ABHD8: variants seen among roughly 807,000 people sequenced by gnomAD.
ABHD8 encodes the protein abhydrolase domain containing 8.
In ABHD8, 10 loss-of-function variants were observed where a neutral mutation model predicts 29.3. The ratio of observed to expected loss-of-function variants is 0.34; its 90% CI spans 0.21 to 0.58. The LOEUF (loss-of-function observed/expected upper bound fraction) is 0.58. ABHD8 is among the 20% of genes least tolerant of loss of function. ABHD8 has a pLI of 0.85. For missense variants in ABHD8, 556 were observed against 615.3 expected, an observed-to-expected ratio of 0.90 and a Z score of 1.02; for synonymous variants, 282 against 274.6, an observed-to-expected ratio of 1.03 and a Z score of -0.27.
intron 2 of ABHD8, among the ~76,000 whole-genome samples, chr19:17,299,238 C>A (rs1568347859): frequency 7.1e-6 from 1 of 140,016 alleles, no homozygotes; most frequent in Admixed American, 7.0e-5. Context: ...AATGAGACCC[C>A]CCCCCCATTC....
At chr19:17,301,656 C>T in intron 1 of ABHD8, 32 bp from the exon 2 acceptor site, 1 of 1,509,522 alleles carries the variant, frequency 6.6e-7, no homozygotes, top group South Asian at 1.3e-5. Flanking sequence ...AGTTCAGGTG[C>T]TGTCTCAATG....
At chr19:17,298,773 C>T (rs2074104146) in intron 2 of ABHD8, among the ~76,000 whole-genome samples, 1 of 121,314 alleles carries the variant, frequency 8.2e-6, no homozygotes. Context: ...CAGAGTCTCA[C>T]TCTGTTGCTC....
chr19:17,293,436 G>A (rs528756290), intron 4 of ABHD8, among the ~76,000 whole-genome samples: 2 of 130,230 alleles, frequency 1.5e-5, no homozygotes, highest in South Asian at 5.4e-4. Context: ...ACCAACATTA[G>A]GAGCTGGATC....
chr19:17,292,681 G>T lies in ABHD8; in HGVS notation c.1300C>A (p.Pro434Thr). The change falls in exon 5 of 5, where the codon CCT becomes ACT. Residue 434 changes from proline to threonine, a missense_variant. Physicochemically the swap from Pro to Thr is conservative, Grantham distance 38. This residue lies in a region of ABHD8 where 270 missense variants were observed against 353.9 expected (regional missense o/e 0.76). Coordinates refer to ENST00000247706, the MANE Select transcript of ABHD8 (RefSeq NM_024527.5). ...PKALPEPLPA[P>T]PEDKK ...AGCGGCTACTTCTTGTCTTCTGGAG[G>T]CGCCGGCAGTGGCTCCGGTAGAGCC... The T allele has an allele frequency of 6.2e-7, 1 of 1,611,530 alleles. No individual in the cohort carries two copies.
intron 4 of ABHD8, 73 bp downstream of exon 4, chr19:17,294,215 C>G: frequency 6.6e-7 from 1 of 1,525,700 alleles, no homozygotes; most frequent in African/African-American, 1.4e-5. Flanking sequence ...CCACGCCCCC[C>G]GCAGAGGCCA....
rs562268915 is a variant in ABHD8 at position 17,293,399 on chromosome 19, G to T, written c.1150-568C>A. 8.1e-5 allele frequency among the ~76,000 whole-genome samples: 12 copies of T among 147,614 alleles called. No individual in the cohort carries two copies. In the South Asian group the frequency reaches 2.6e-3, roughly 32 times the overall value. ...GGAGTGAGCCACCGCGCCCGGCCTG[G>T]AGGAGGATTTTGTCAACTTCAACTC... On this transcript the variant is annotated intron_variant, in intron 4 of 4. Coordinates refer to ENST00000247706, the MANE Select transcript of ABHD8 (RefSeq NM_024527.5).
At chr19:17,301,889 G>A (rs1412430559) in intron 1 of ABHD8, among the ~76,000 whole-genome samples, 2 of 152,064 alleles carry the variant, frequency 1.3e-5, no homozygotes, top group African/African-American at 2.4e-5. Flanking sequence ...CCCCTCCTGG[G>A]TTCAAGCGAT....
intron 2 of ABHD8, among the ~76,000 whole-genome samples, chr19:17,300,020 TC>T (rs1467476378): frequency 6.6e-6 from 1 of 150,988 alleles, no homozygotes; most frequent in Non-Finnish European, 1.5e-5. Flanking sequence ...TTCTCCTGCC[TC>T]AGCCTCCCGA....
At position 17,300,941 on chromosome 19, in the gene ABHD8, T is replaced by G; in HGVS notation, c.676A>C (p.Thr226Pro). Residue 226 changes from threonine to proline, a missense_variant, in exon 2 of 5, where the codon ACC becomes CCC. Around this residue, in one of 2 missense-constraint regions of ABHD8, gnomAD observed 270 missense variants for 353.9 expected, o/e 0.76. Coordinates refer to ENST00000247706, the MANE Select transcript of ABHD8 (RefSeq NM_024527.5). ...ATGTCCTCAGCCAGCGCATAGAAGG[T>G]GTAGGCTGCGGCCACCTGGGGCGCA... Reference protein sequence around the residue: ...SSAPQVAAAYTFYALAEDMRA... With the variant: ...SSAPQVAAAYPFYALAEDMRA... 1 of 1,613,528 alleles carries G rather than the reference T, an allele frequency of 6.2e-7. No individual in the cohort carries two copies.
chr19:17,301,753 C>T, intron 1 of ABHD8, 129 bp from the exon 2 acceptor site: 9 of 1,094,998 alleles, frequency 8.2e-6, no homozygotes, highest in Non-Finnish European at 9.8e-6. Context: ...ATCAAGTGAG[C>T]CACGGCACTG....
chr19:17,300,763 C>T (rs2074113638), intron 2 of ABHD8, 93 bp downstream of exon 2: 8 of 1,457,430 alleles, frequency 5.5e-6, no homozygotes, highest in South Asian at 2.7e-5. Flanking sequence ...CAGGCGTGAG[C>T]CACGGGGCTC....
intron 2 of ABHD8, among the ~76,000 whole-genome samples, chr19:17,298,874 G>A (rs1239951649): frequency 2.0e-5 from 3 of 151,500 alleles, no homozygotes; most frequent in Non-Finnish European, 4.4e-5. Context: ...CCGAGTAGCT[G>A]GGATTACAGG....
At chr19:17,296,239 G>A (rs987678305) in intron 2 of ABHD8, 3 of 142,250 alleles carry the variant, frequency 2.1e-5, no homozygotes, top group Non-Finnish European at 4.6e-5. Context: ...TTTTTGTAGA[G>A]ATGGGGGTCT....
rs2074086250 is a variant in ABHD8 at position 17,294,762 on chromosome 19, G to A, written c.845C>T (p.Ala282Val). 1.2e-6 allele frequency: 2 copies of A among 1,614,162 alleles called. No individual in the cohort carries two copies. The highest frequency in any genetic ancestry group is 1.7e-6 in the Non-Finnish European group (2 of 1,180,032). ...GATTGAGCAGAAGCTGGGCTCCAGC[G>A]CCGTAGGGCCCCCGCCATTGATCAT... is the stretch of plus-strand genomic sequence containing the variant. ...VIMINGGGPT[A>V]LEPSFCSIFN... is the part of the protein sequence containing the mutation. Residue 282 changes from alanine to valine, a missense_variant, in exon 3 of 5, where the codon GCG becomes GTG. By Grantham distance (64) the Ala-to-Val change is moderately conservative. Transcript: ENST00000247706.
chr19:17,294,554 C>G (rs764761766), intron 3 of ABHD8, 50 bp from the exon 4 acceptor site: 1 of 1,611,372 alleles, frequency 6.2e-7, no homozygotes, highest in African/African-American at 1.3e-5. Flanking sequence ...GCCCGACTGC[C>G]GTGGGGTGCC....
chr19:17,301,551 C>T lies in ABHD8; in HGVS notation c.66G>A (p.Gly22=). ...CGCTGGACTCGACGCTCTCCAGTGGCCCCACGGCGTTGGGGGGCGTGCCCA... is the reference window on the plus strand; with the variant it reads ...CGCTGGACTCGACGCTCTCCAGTGGTCCCACGGCGTTGGGGGGCGTGCCCA... The part of the protein sequence containing the change: ...CLLGTPPNAV[G]PLESVESSDG... The change falls in exon 2 of 5, where the codon GGG becomes GGA. Residue 22 remains glycine (G), a synonymous_variant. Transcript: ENST00000247706. The T allele has an allele frequency of 1.2e-6, 2 of 1,607,086 alleles. No individual in the cohort carries two copies. Among genetic ancestry groups the T allele is most frequent in the Non-Finnish European group, 1.7e-6 (2 of 1,176,796 alleles).
In ABHD8 at chr19:17,301,343, C is replaced by T; in HGVS notation, c.274G>A (p.Val92Met). 1 of 1,609,180 alleles carries T rather than the reference C, an allele frequency of 6.2e-7. No homozygotes were observed. The highest frequency in any genetic ancestry group is 8.5e-7 in the Non-Finnish European group (1 of 1,179,872). ...ITVYRNGRLL[V>M]ENLGRAPRAD... is the part of the protein sequence containing the mutation. ...CGAGGGGCTCGGCCCAGGTTTTCCA[C>T]CAGCAACCGCCCATTGCGGTACACG... The change falls in exon 2 of 5, where the codon GTG becomes ATG. Residue 92 changes from valine to methionine, a missense_variant. Transcript: ENST00000247706.
At chr19:17,295,743 C>T (rs1039634333) in intron 2 of ABHD8, among the ~76,000 whole-genome samples, 3 of 152,096 alleles carry the variant, frequency 2.0e-5, no homozygotes, top group Non-Finnish European at 2.9e-5. Context: ...GTTTCGCTGT[C>T]GCCTAGGCTG....
chr19:17,300,721 G>A (rs564454930), intron 2 of ABHD8, 135 bp downstream of exon 2: 324 of 1,148,032 alleles, frequency 2.8e-4, no homozygotes, highest in Non-Finnish European at 3.7e-4. Context: ...CAGGTGATCC[G>A]CCTGCCTCGG....
Sources: gnomAD v4.1 joint callset for allele counts (sites outside exome capture counted in the v4.1 genomes callset) on GRCh38, gnomAD v4.1.1 for gene constraint, gnomAD v4.1.1 regional missense constraint, MANE v1.5 for transcripts, NCBI Gene and HGNC (gene_info 2026-07-23, HGNC 2026-07-21) for gene names.